The following CNTN5 variants were observed in gnomAD, a reference collection of about 807,000 sequenced individuals.
The protein encoded by CNTN5 is contactin-5.
In CNTN5, 77 loss-of-function variants were observed where a neutral mutation model predicts 129.1. The ratio of observed to expected loss-of-function variants is 0.60; its 90% confidence interval spans 0.50 to 0.72. CNTN5 has a LOEUF of 0.72. Among genes scored for constraint, CNTN5 ranks in the 30% least tolerant of loss-of-function variants. The pLI is 0.00. For synonymous variants in CNTN5, 509 were observed against 465.6 expected (o/e 1.09, Z -1.20); for missense variants, 1,478 against 1,328.8 (o/e 1.11, Z -1.75).
intron 7 of CNTN5, among the ~76,000 whole-genome samples, chr11:99,936,222 A>G (rs1489539967): frequency 6.6e-6 from 1 of 152,198 alleles, no homozygotes; most frequent in Admixed American, 6.6e-5. Flanking sequence ...ACTAAATAGC[A>G]GGGGTTGCAG....
intron 3 of CNTN5, among the ~76,000 whole-genome samples, chr11:99,656,624 T>C (rs925147654): frequency 6.6e-6 from 1 of 152,120 alleles, no homozygotes; most frequent in Admixed American, 6.6e-5. Flanking sequence ...GTGACAGTTG[T>C]GCAAGGTACC....
At chr11:99,520,238 T>A (rs1947224542) in intron 2 of CNTN5, among the ~76,000 whole-genome samples, 1 of 152,106 alleles carries the variant, frequency 6.6e-6, no homozygotes, top group Non-Finnish European at 1.5e-5. Flanking sequence ...TTTCCTAAAC[T>A]TTGAAGTAGC....
chr11:99,515,960 AACAAAAT>A (rs567014915), intron 2 of CNTN5, among the ~76,000 whole-genome samples: 7,650 of 146,920 alleles, frequency 0.052, 192 homozygotes, highest in South Asian at 0.079. Context: ...AAAAAAAAAA[AACAAAAT>A]CATATCTATA....
chr11:99,572,136 A>G (rs1440073836), intron 3 of CNTN5, among the ~76,000 whole-genome samples: 1 of 152,166 alleles, frequency 6.6e-6, no homozygotes, highest in African/African-American at 2.4e-5. Context: ...TATGTAAGCC[A>G]TTTAGACTTA....
chr11:100,022,454 T>C (rs996810633), intron 9 of CNTN5, among the ~76,000 whole-genome samples: 3 of 152,230 alleles, frequency 2.0e-5, no homozygotes, highest in Non-Finnish European at 2.9e-5. Flanking sequence ...TGGTGTATTT[T>C]ATTCTATTTT....
chr11:100,191,421 C>A (rs557422348), intron 14 of CNTN5, among the ~76,000 whole-genome samples, 168 bp downstream of exon 14: 4 of 152,116 alleles, frequency 2.6e-5, no homozygotes, highest in Non-Finnish European at 5.9e-5. Context: ...TTACTTTCCA[C>A]CATTTAGGGT....
intron 6 of CNTN5, among the ~76,000 whole-genome samples, chr11:99,889,812 G>T (rs1452825846): frequency 6.6e-6 from 1 of 152,164 alleles, no homozygotes; most frequent in Non-Finnish European, 1.5e-5. Context: ...CTCCCAGAGT[G>T]CTGGGATTAG....
At chr11:99,194,044 T>G (rs1858780822) in intron 1 of CNTN5, among the ~76,000 whole-genome samples, 1 of 152,184 alleles carries the variant, frequency 6.6e-6, no homozygotes, top group African/African-American at 2.4e-5. Flanking sequence ...ACAAGCTAGT[T>G]TTTAGAAAAT....
intron 8 of CNTN5, among the ~76,000 whole-genome samples, chr11:99,982,723 T>C (rs7929307): frequency 0.43 from 65,763 of 151,996 alleles, 14,456 homozygotes; most frequent in African/African-American, 0.47. Context: ...TCACTGCAAG[T>C]TCATCCTCCC....
intron 8 of CNTN5, among the ~76,000 whole-genome samples, chr11:99,965,603 G>T (rs1489321759): frequency 6.6e-6 from 1 of 152,168 alleles, no homozygotes; most frequent in Non-Finnish European, 1.5e-5. Context: ...TTTGGAACAG[G>T]TGTGGTGTGG....
chr11:99,166,197 T>G (rs1361811044), intron 1 of CNTN5, among the ~76,000 whole-genome samples: 5 of 151,952 alleles, frequency 3.3e-5, no homozygotes, highest in Non-Finnish European at 7.4e-5. Context: ...AATCAGGAGA[T>G]CGAGACTATC....
chr11:99,061,813 G>A (rs942709560), intron 1 of CNTN5, among the ~76,000 whole-genome samples: 5 of 151,894 alleles, frequency 3.3e-5, no homozygotes, highest in Admixed American at 1.3e-4. Context: ...GCAACATAGT[G>A]AGACCCTGTC....
At chr11:100,235,455 A>C (rs1949591350) in intron 16 of CNTN5, among the ~76,000 whole-genome samples, 1 of 152,122 alleles carries the variant, frequency 6.6e-6, no homozygotes, top group South Asian at 2.1e-4. Flanking sequence ...GGCGAGGAGT[A>C]TGCTGAGGGA....
intron 1 of CNTN5, among the ~76,000 whole-genome samples, chr11:99,224,652 G>T (rs1349870334): frequency 2.1e-5 from 2 of 94,700 alleles, no homozygotes; most frequent in Admixed American, 2.6e-4. Context: ...GTCTCCCAAG[G>T]TTGCATTTTT....
chr11:100,195,380 T>C (rs1283381040), intron 15 of CNTN5, among the ~76,000 whole-genome samples: 1 of 152,016 alleles, frequency 6.6e-6, no homozygotes, highest in Non-Finnish European at 1.5e-5. Context: ...CTCTTAGACA[T>C]AGATATGTTT....
intron 1 of CNTN5, among the ~76,000 whole-genome samples, chr11:99,140,856 G>T (rs1414905763): frequency 6.6e-6 from 1 of 151,876 alleles, no homozygotes; most frequent in East Asian, 1.9e-4. Flanking sequence ...CTTGATCGTG[G>T]TGGATTAGCT....
intron 3 of CNTN5, among the ~76,000 whole-genome samples, chr11:99,675,018 T>G (rs12785258): frequency 0.073 from 10,251 of 139,994 alleles, 503 homozygotes; most frequent in East Asian, 0.29. Context: ...TTTCTGGTTT[T>G]GTTTTGTTTT....
At chr11:99,472,603 C>T (rs575519502) in intron 2 of CNTN5, among the ~76,000 whole-genome samples, 81 of 152,258 alleles carry the variant, frequency 5.3e-4, no homozygotes, top group African/African-American at 1.8e-3. Context: ...TGAAAATTTG[C>T]AGCCAAGCGA....
intron 21 of CNTN5, among the ~76,000 whole-genome samples, chr11:100,326,826 C>T (rs1413799193): frequency 5.3e-5 from 8 of 152,102 alleles, no homozygotes; most frequent in Admixed American, 4.6e-4. Flanking sequence ...AAGCTGAAAC[C>T]TATCTGAAAA....
Sources: allele counts gnomAD v4.1 joint callset (sites outside exome capture counted in the v4.1 genomes callset), GRCh38; gene constraint gnomAD v4.1.1; transcripts MANE v1.5; gene names NCBI Gene and HGNC (gene_info 2026-07-23, HGNC 2026-07-21).